The following NRG3 variants were observed in gnomAD, a reference collection of about 807,000 sequenced individuals.
The protein encoded by NRG3 is pro-neuregulin-3, membrane-bound isoform.
A neutral mutation model predicts 66.9 loss-of-function variants in NRG3; 31 were observed. The observed-to-expected ratio is 0.46, with a 90% CI of 0.35 to 0.63. NRG3 has a LOEUF of 0.63. NRG3 is among the 20% of genes least tolerant of loss of function. NRG3 has a pLI of 0.00. For synonymous variants in NRG3, 393 were observed against 359.4 expected (o/e 1.09, Z -1.06); for missense variants, 910 against 878.9 (o/e 1.04, Z -0.45).
intron 2 of NRG3, among the ~76,000 whole-genome samples, chr10:82,674,085 T>A (rs2053497028): frequency 6.6e-6 from 1 of 151,642 alleles, no homozygotes; most frequent in African/African-American, 2.4e-5. Flanking sequence ...AGTGAAAGAG[T>A]GCTAACCAGG....
intron 1 of NRG3, among the ~76,000 whole-genome samples, chr10:81,982,519 C>A (rs1453485530): frequency 6.6e-6 from 1 of 152,142 alleles, no homozygotes; most frequent in Non-Finnish European, 1.5e-5. Context: ...TCTGGGGCTG[C>A]CATAACAAAA....
chr10:82,297,975 C>T, intron 1 of NRG3, among the ~76,000 whole-genome samples: 1 of 151,958 alleles, frequency 6.6e-6, no homozygotes, highest in East Asian at 1.9e-4. Context: ...AACCTTGTCT[C>T]TACAAAAACT....
intron 1 of NRG3, among the ~76,000 whole-genome samples, chr10:82,138,177 T>C (rs553573952): frequency 1.6e-4 from 25 of 152,186 alleles, no homozygotes; most frequent in Admixed American, 1.2e-3. Flanking sequence ...TGTGTATATG[T>C]GTGTGTGTGT....
chr10:81,885,274 A>G (rs1298006139), intron 1 of NRG3, among the ~76,000 whole-genome samples: 1 of 152,188 alleles, frequency 6.6e-6, no homozygotes, highest in East Asian at 1.9e-4. Flanking sequence ...GTATGCTGAG[A>G]CTGATCAATG....
intron 2 of NRG3, among the ~76,000 whole-genome samples, chr10:82,558,511 G>A (rs1466549987): frequency 6.6e-6 from 1 of 152,080 alleles, no homozygotes; most frequent in Non-Finnish European, 1.5e-5. Flanking sequence ...AGCAGGGTGA[G>A]CAGCAATCAA....
chr10:82,323,214 G>A (rs995168783), intron 1 of NRG3, among the ~76,000 whole-genome samples: 1 of 152,044 alleles, frequency 6.6e-6, no homozygotes, highest in African/African-American at 2.4e-5. Flanking sequence ...CCAAACATGT[G>A]TACACAATTG....
chr10:82,705,198 C>A (rs2056194191), intron 2 of NRG3, among the ~76,000 whole-genome samples: 1 of 152,174 alleles, frequency 6.6e-6, no homozygotes, highest in East Asian at 1.9e-4. Context: ...AGATACAAGA[C>A]AAGCCCTCTG....
chr10:82,738,756 G>C (rs2058276431), intron 3 of NRG3, 106 bp downstream of exon 3: 1 of 990,168 alleles, frequency 1.0e-6, no homozygotes, highest in Non-Finnish European at 1.6e-6. Context: ...TTGTGTCTCT[G>C]AAAGCTGCCA....
chr10:82,940,440 A>G (rs536968832), intron 4 of NRG3, among the ~76,000 whole-genome samples: 3 of 152,034 alleles, frequency 2.0e-5, no homozygotes, highest in Non-Finnish European at 4.4e-5. Context: ...CTATGTGTGT[A>G]TGTGTCTATC....
intron 2 of NRG3, among the ~76,000 whole-genome samples, chr10:82,626,358 A>T (rs2049421008): frequency 6.6e-6 from 1 of 152,142 alleles, no homozygotes; most frequent in Non-Finnish European, 1.5e-5. Flanking sequence ...CCCTGGGCTT[A>T]ATGGAGATCT....
At chr10:82,405,461 T>G (rs1425819421) in intron 2 of NRG3, among the ~76,000 whole-genome samples, 2 of 149,562 alleles carry the variant, frequency 1.3e-5, no homozygotes, top group Non-Finnish European at 3.0e-5. Context: ...GTAGTTTGTT[T>G]TTTTTTTTTT....
chr10:82,174,345 C>G (rs2072869411), intron 1 of NRG3, among the ~76,000 whole-genome samples: 1 of 152,070 alleles, frequency 6.6e-6, no homozygotes, highest in South Asian at 2.1e-4. Flanking sequence ...TTTCCAGCCA[C>G]TTAAATTTTC....
intron 1 of NRG3, among the ~76,000 whole-genome samples, chr10:82,349,988 C>G (rs148795909): frequency 6.6e-6 from 1 of 152,128 alleles, no homozygotes; most frequent in Non-Finnish European, 1.5e-5. Context: ...GAGATGAACC[C>G]GGTACCTCAG....
chr10:82,538,178 A>G (rs1355339767), intron 2 of NRG3, among the ~76,000 whole-genome samples: 1 of 152,120 alleles, frequency 6.6e-6, no homozygotes, highest in Non-Finnish European at 1.5e-5. Context: ...GCAAAAGCTC[A>G]GTTTATCACC....
intron 3 of NRG3, among the ~76,000 whole-genome samples, chr10:82,851,836 T>C (rs1200403900): frequency 6.6e-6 from 1 of 152,180 alleles, no homozygotes; most frequent in African/African-American, 2.4e-5. Flanking sequence ...TTTAATTAAA[T>C]TGCGTACTGT....
chr10:82,413,613 C>G (rs569852484), intron 2 of NRG3, among the ~76,000 whole-genome samples: 2 of 152,290 alleles, frequency 1.3e-5, no homozygotes, highest in South Asian at 4.1e-4. Context: ...ATTGACTTCT[C>G]TCTAGCTATG....
chr10:82,916,301 A>C (rs537204572), intron 4 of NRG3, among the ~76,000 whole-genome samples: 1 of 152,292 alleles, frequency 6.6e-6, no homozygotes, highest in African/African-American at 2.4e-5. Context: ...AAATAAAATA[A>C]ATTAGCTTGG....
chr10:82,429,281 A>G (rs1301882171), intron 2 of NRG3, among the ~76,000 whole-genome samples: 2 of 152,070 alleles, frequency 1.3e-5, no homozygotes, highest in Non-Finnish European at 2.9e-5. Context: ...ATATTTACCT[A>G]TGTACTTTAA....
At chr10:82,268,206 G>A (rs2078405571) in intron 1 of NRG3, among the ~76,000 whole-genome samples, 1 of 152,092 alleles carries the variant, frequency 6.6e-6, no homozygotes, top group African/African-American at 2.4e-5. Context: ...CTATAAGAGT[G>A]CTTTTATTTT....
Sources: allele counts gnomAD v4.1 joint callset (sites outside exome capture counted in the v4.1 genomes callset), GRCh38; gene constraint gnomAD v4.1.1; transcripts MANE v1.5; gene names NCBI Gene and HGNC (gene_info 2026-07-23, HGNC 2026-07-21).